The following UNC5C variants were observed in gnomAD, a reference collection of about 807,000 sequenced individuals.
UNC5C encodes the protein unc-5 netrin receptor C.
In UNC5C, 47 loss-of-function variants were observed where a neutral mutation model predicts 99.8. The ratio of observed to expected loss-of-function variants is 0.47; its 90% CI spans 0.37 to 0.60. The LOEUF (loss-of-function observed/expected upper bound fraction) is 0.60, where lower values mean the gene tolerates loss of function less well. Among genes scored for constraint, UNC5C ranks in the 20% least tolerant of loss-of-function variants. The pLI, the probability that UNC5C is intolerant of heterozygous loss-of-function variation, is 0.00. For missense variants in UNC5C, 1,062 were observed against 1,165.9 expected, an observed-to-expected ratio of 0.91 and a Z score of 1.30; for synonymous variants, 487 against 452.2, an observed-to-expected ratio of 1.08 and a Z score of -0.98.
intron 1 of UNC5C, among the ~76,000 whole-genome samples, chr4:95,370,074 C>T (rs776448396): frequency 6.6e-6 from 1 of 152,126 alleles, no homozygotes; most frequent in Non-Finnish European, 1.5e-5. Context: ...TCTAGAGCTG[C>T]GCTCTCCAAC....
chr4:95,357,477 C>T, intron 1 of UNC5C, among the ~76,000 whole-genome samples: 1 of 150,750 alleles, frequency 6.6e-6, no homozygotes, highest in Non-Finnish European at 1.5e-5. Context: ...TATTAAAAAG[C>T]TATTATTAAA....
At chr4:95,356,659 G>A (rs1056541854) in intron 1 of UNC5C, among the ~76,000 whole-genome samples, 1 of 152,276 alleles carries the variant, frequency 6.6e-6, no homozygotes, top group South Asian at 2.1e-4. Context: ...AGGAGTCTGT[G>A]CTTCCACCAT....
chr4:95,233,025 G>C (rs1289427150), intron 7 of UNC5C, among the ~76,000 whole-genome samples: 1 of 152,166 alleles, frequency 6.6e-6, no homozygotes, highest in Non-Finnish European at 1.5e-5. Context: ...GGTTATAAAC[G>C]TATCATTCTA....
intron 1 of UNC5C, among the ~76,000 whole-genome samples, chr4:95,395,206 C>T (rs1745476918): frequency 6.6e-6 from 1 of 152,272 alleles, no homozygotes; most frequent in East Asian, 1.9e-4. Context: ...GAATAAAATG[C>T]TAATCGGATG....
At chr4:95,502,123 A>G (rs1433243523) in intron 1 of UNC5C, among the ~76,000 whole-genome samples, 1 of 152,172 alleles carries the variant, frequency 6.6e-6, no homozygotes, top group Non-Finnish European at 1.5e-5. Flanking sequence ...TGACAAAAGT[A>G]AAGGAGCATT....
chr4:95,222,308 C>A, intron 7 of UNC5C: 15 of 1,213,226 alleles, frequency 1.2e-5, no homozygotes, highest in East Asian at 5.6e-5. Flanking sequence ...GGAACAAAAT[C>A]AAATTAATGA....
At chr4:95,456,984 G>A (rs1257350677) in intron 1 of UNC5C, among the ~76,000 whole-genome samples, 5 of 152,074 alleles carry the variant, frequency 3.3e-5, no homozygotes, top group African/African-American at 1.2e-4. Flanking sequence ...TAAGTTCAAT[G>A]TTCCCAGAAA....
chr4:95,426,232 A>G (rs2149458529), intron 1 of UNC5C, among the ~76,000 whole-genome samples: 1 of 152,286 alleles, frequency 6.6e-6, no homozygotes, highest in South Asian at 2.1e-4. Flanking sequence ...GTGATCTTTG[A>G]TCAGTGATCT....
intron 1 of UNC5C, among the ~76,000 whole-genome samples, chr4:95,511,741 G>A (rs556462351): frequency 6.6e-6 from 1 of 152,226 alleles, no homozygotes; most frequent in African/African-American, 2.4e-5. Context: ...TTCCCTTGAA[G>A]GGTTTTCTCG....
chr4:95,445,263 G>GT lies in UNC5C; in HGVS notation c.124+103470dup, dbSNP rs546759735. Among the ~76,000 whole-genome samples the GT allele has an allele frequency of 2.6e-3, 395 of 151,590 alleles. 2 individuals are homozygous for GT. Among genetic ancestry groups the GT allele is most frequent in the African/African-American group, 9.2e-3 (379 of 41,320 alleles). Reference sequence around the variant, plus strand: ...CAACTATACATCATTTCCATTCTTAGTTTTTTTCTCCTGAATTTCATCTGC... The same window carrying GT: ...CAACTATACATCATTTCCATTCTTAGTTTTTTTTCTCCTGAATTTCATCTGC... On this transcript the variant is annotated intron_variant, in intron 1 of 15. Transcript: ENST00000453304.
chr4:95,287,751 A>G (rs1741287624), intron 3 of UNC5C, among the ~76,000 whole-genome samples: 1 of 152,212 alleles, frequency 6.6e-6, no homozygotes, highest in African/African-American at 2.4e-5. Flanking sequence ...AACTCCTGAT[A>G]TGCAATGTGC....
At chr4:95,224,618 T>C (rs1738606463) in intron 7 of UNC5C, among the ~76,000 whole-genome samples, 1 of 152,102 alleles carries the variant, frequency 6.6e-6, no homozygotes, top group South Asian at 2.1e-4. Context: ...ATTCATTCAT[T>C]CATTCATTCA....
At chr4:95,204,891 G>A (rs1737817515) in intron 11 of UNC5C, among the ~76,000 whole-genome samples, 1 of 152,182 alleles carries the variant, frequency 6.6e-6, no homozygotes, top group South Asian at 2.1e-4. Context: ...TATAATAAGA[G>A]CTGTGTTTTA....
intron 4 of UNC5C, among the ~76,000 whole-genome samples, chr4:95,270,672 G>T (rs1740625708): frequency 1.3e-5 from 2 of 152,146 alleles, no homozygotes; most frequent in African/African-American, 2.4e-5. Context: ...ACTATGAGGA[G>T]ATAAAAGCAT....
intron 1 of UNC5C, among the ~76,000 whole-genome samples, chr4:95,343,734 G>T (rs1164351806): frequency 2.0e-5 from 3 of 151,990 alleles, no homozygotes; most frequent in South Asian, 2.1e-4. Context: ...ATTTAGCAGA[G>T]AAATGGAAAT....
chr4:95,292,084 T>C (rs1197637547), intron 3 of UNC5C, among the ~76,000 whole-genome samples: 1 of 151,650 alleles, frequency 6.6e-6, no homozygotes, highest in African/African-American at 2.4e-5. Context: ...TTTTGTTTTA[T>C]GCCAAGTAGA....
At chr4:95,494,939 A>G (rs2149482497) in intron 1 of UNC5C, among the ~76,000 whole-genome samples, 1 of 151,590 alleles carries the variant, frequency 6.6e-6, no homozygotes, top group South Asian at 2.1e-4. Context: ...ATGAATATAT[A>G]TGGCCACCAT....
chr4:95,180,254 C>G (rs918826448), intron 14 of UNC5C, among the ~76,000 whole-genome samples: 4 of 152,196 alleles, frequency 2.6e-5, no homozygotes, highest in Non-Finnish European at 5.9e-5. Context: ...CTATCTATCT[C>G]CATGGAACAG....
intron 7 of UNC5C, among the ~76,000 whole-genome samples, chr4:95,236,261 G>T (rs1247054675): frequency 6.6e-6 from 1 of 152,024 alleles, no homozygotes; most frequent in African/African-American, 2.4e-5. Flanking sequence ...GCCATAAAAA[G>T]GATGAGTTCA....
Sources: allele counts gnomAD v4.1 joint callset (sites outside exome capture counted in the v4.1 genomes callset), GRCh38; gene constraint gnomAD v4.1.1; transcripts MANE v1.5; gene names NCBI Gene and HGNC (gene_info 2026-07-23, HGNC 2026-07-21).